PABPC4L: variants seen among roughly 807,000 people sequenced by gnomAD.
The protein encoded by PABPC4L is polyadenylate-binding protein 4-like.
For missense variants in PABPC4L, 452 were observed against 451.4 expected (o/e 1.00, Z -0.01); for synonymous variants, 169 against 164.1 (o/e 1.03, Z -0.23).
At chr4:134,036,798 G>C in the PABPC4L span, among the ~76,000 whole-genome samples, 491 of 152,158 alleles carry the variant, frequency 3.2e-3, 2 homozygotes, top group African/African-American at 0.011. Flanking sequence ...GCTCATGCCT[G>C]TAATCCTAGC....
the PABPC4L span, among the ~76,000 whole-genome samples, chr4:134,072,297 T>C: frequency 6.6e-6 from 1 of 152,262 alleles, no homozygotes; most frequent in East Asian, 1.9e-4. Context: ...GCCCCAGAGT[T>C]GATGTGAGTC....
At chr4:134,051,764 G>A in the PABPC4L span, among the ~76,000 whole-genome samples, 2 of 151,930 alleles carry the variant, frequency 1.3e-5, no homozygotes, top group African/African-American at 2.4e-5. Flanking sequence ...CTAGAATAAA[G>A]GAAATATCAC....
Position 134,196,481 on chromosome 4 carries a change from G to T in PABPC4L, c.*3426C>A, listed in dbSNP as rs924684819. The T allele has an allele frequency of 6.6e-6, 1 of 151,580 alleles. No individual in the cohort carries two copies. The highest frequency in any genetic ancestry group is 2.4e-5 in the African/African-American group (1 of 41,372). 9.4% of individuals were successfully genotyped at this position (151,580 alleles called of 1,614,324 possible). A position where few individuals can be genotyped will look rare whatever the true frequency, so the allele number is the denominator to read the frequency against. ...CTATTTGAAATTTAAAAGATAAAAT[G>T]TTAAAAGAATACATTTATTGAAATG... On this transcript the variant is annotated 3_prime_UTR_variant, in exon 2 of 2. Transcript: ENST00000421491.
At chr4:134,102,368 T>C in the PABPC4L span, among the ~76,000 whole-genome samples, 3 of 151,488 alleles carry the variant, frequency 2.0e-5, no homozygotes, top group African/African-American at 4.8e-5. Context: ...AGAAGAAATT[T>C]TTACCTTGTC....
the PABPC4L span, chr4:134,010,580 T>C: frequency 6.6e-6 from 1 of 152,164 alleles, no homozygotes; most frequent in South Asian, 2.1e-4. Context: ...GATGCTCTCG[T>C]ACGAGAAGGA....
chr4:134,158,538 G>A, the PABPC4L span, among the ~76,000 whole-genome samples: 11 of 152,052 alleles, frequency 7.2e-5, no homozygotes, highest in Non-Finnish European at 1.3e-4. Context: ...AACTTTAAGC[G>A]TATTAATAGT....
chr4:134,152,970 C>T, the PABPC4L span, among the ~76,000 whole-genome samples: 1 of 152,020 alleles, frequency 6.6e-6, no homozygotes, highest in Admixed American at 6.6e-5. Flanking sequence ...TTATTTTTAA[C>T]AACAAGCTCT....
chr4:134,154,662 T>C, the PABPC4L span, among the ~76,000 whole-genome samples: 2 of 152,088 alleles, frequency 1.3e-5, no homozygotes. Context: ...GTGTGGTTCA[T>C]CATATTAATA....
downstream of PABPC4L, among the ~76,000 whole-genome samples, chr4:134,194,149 G>C (rs1232408941): frequency 6.6e-6 from 1 of 151,808 alleles, no homozygotes; most frequent in Non-Finnish European, 1.5e-5. Context: ...GCCTGCCTTG[G>C]GGGTGGAGGA....
chr4:134,015,452 T>G, the PABPC4L span, among the ~76,000 whole-genome samples: 1 of 152,062 alleles, frequency 6.6e-6, no homozygotes, highest in African/African-American at 2.4e-5. Flanking sequence ...GCACCCTTCA[T>G]CCCAGCCTCT....
At chr4:133,976,609 C>T in the PABPC4L span, among the ~76,000 whole-genome samples, 1 of 152,144 alleles carries the variant, frequency 6.6e-6, no homozygotes, top group African/African-American at 2.4e-5. Context: ...TCTCTGCAAC[C>T]TCACCAGCAT....
At chr4:134,027,881 C>G in the PABPC4L span, among the ~76,000 whole-genome samples, 6 of 152,108 alleles carry the variant, frequency 3.9e-5, no homozygotes, top group African/African-American at 1.4e-4. Flanking sequence ...TGGCTGCTGT[C>G]TGAGACACCT....
the PABPC4L span, among the ~76,000 whole-genome samples, chr4:134,124,603 C>T: frequency 6.6e-6 from 1 of 152,038 alleles, no homozygotes; most frequent in Admixed American, 6.6e-5. Context: ...TTCAGTGGTA[C>T]ACAGCAGTAG....
chr4:134,168,736 GA>G, the PABPC4L span, among the ~76,000 whole-genome samples: 1 of 151,756 alleles, frequency 6.6e-6, no homozygotes, highest in African/African-American at 2.4e-5. Context: ...TCAGAAACCT[GA>G]ATAGACTGAT....
the PABPC4L span, among the ~76,000 whole-genome samples, chr4:133,977,524 T>A: frequency 6.6e-6 from 1 of 152,198 alleles, no homozygotes; most frequent in Admixed American, 6.5e-5. Context: ...ATTTTTTTGA[T>A]ATTTCTTCCA....
the PABPC4L span, among the ~76,000 whole-genome samples, chr4:133,959,739 G>C: frequency 6.6e-6 from 1 of 152,156 alleles, no homozygotes; most frequent in East Asian, 1.9e-4. Flanking sequence ...TGAACATAAA[G>C]TCTTAAATGA....
chr4:134,099,432 AC>A, the PABPC4L span, among the ~76,000 whole-genome samples: 1 of 151,694 alleles, frequency 6.6e-6, no homozygotes, highest in Non-Finnish European at 1.5e-5. Context: ...TTACAAAAAA[AC>A]TGCTGACGAA....
chr4:134,152,830 G>A, the PABPC4L span, among the ~76,000 whole-genome samples: 1 of 152,156 alleles, frequency 6.6e-6, no homozygotes, highest in Non-Finnish European at 1.5e-5. Context: ...AAGAAGCATG[G>A]CATCAGAATT....
the PABPC4L span, among the ~76,000 whole-genome samples, chr4:134,041,544 G>A: frequency 1.3e-5 from 2 of 151,904 alleles, no homozygotes; most frequent in Non-Finnish European, 2.9e-5. Context: ...ACATGGATGT[G>A]GGGGTGGGGG....
Sources: gnomAD v4.1 joint callset for allele counts (sites outside exome capture counted in the v4.1 genomes callset) on GRCh38, gnomAD v4.1.1 for gene constraint, MANE v1.5 for transcripts, NCBI Gene and HGNC (gene_info 2026-07-23, HGNC 2026-07-21) for gene names.